ADGRL3: variants seen among roughly 807,000 people sequenced by gnomAD.
The protein encoded by ADGRL3 is calcium-independent alpha-latrotoxin receptor 3.
In ADGRL3, 62 loss-of-function variants were observed where a neutral mutation model predicts 153.5. The ratio of observed to expected loss-of-function variants is 0.40; its 90% CI spans 0.33 to 0.50. The LOEUF is 0.50. Among genes scored for constraint, ADGRL3 ranks in the 20% least tolerant of loss-of-function variants. The pLI is 0.47. For synonymous variants in ADGRL3, 710 were observed against 672.5 expected, an observed-to-expected ratio of 1.06 and a Z score of -0.86; for missense variants, 1,641 against 1,859.4, an observed-to-expected ratio of 0.88 and a Z score of 2.16.
chr4:61,622,560 G>A (rs1560950862), intron 5 of ADGRL3, among the ~76,000 whole-genome samples: 1 of 151,890 alleles, frequency 6.6e-6, no homozygotes, highest in Non-Finnish European at 1.5e-5. Context: ...AGAAGGAGGA[G>A]GAAGAAGAAG....
intron 25 of ADGRL3, among the ~76,000 whole-genome samples, chr4:62,050,572 A>T (rs1733553365): frequency 6.6e-6 from 1 of 152,066 alleles, no homozygotes; most frequent in African/African-American, 2.4e-5. Flanking sequence ...GCTTCTAAAC[A>T]TATTTTGCTT....
chr4:61,480,657 C>T (rs900357855), intron 2 of ADGRL3, among the ~76,000 whole-genome samples: 38 of 152,040 alleles, frequency 2.5e-4, no homozygotes, highest in African/African-American at 8.9e-4. Context: ...GTTTCGGGTG[C>T]CTATAAGCCC....
At chr4:61,317,463 AC>A (rs1327534663) in intron 1 of ADGRL3, among the ~76,000 whole-genome samples, 1 of 152,190 alleles carries the variant, frequency 6.6e-6, no homozygotes, top group African/African-American at 2.4e-5. Flanking sequence ...TTCATTATGT[AC>A]TGCCAAGATC....
At chr4:61,841,674 A>AT (rs890027197) in intron 9 of ADGRL3, among the ~76,000 whole-genome samples, 4 of 151,976 alleles carry the variant, frequency 2.6e-5, no homozygotes, top group South Asian at 2.1e-4. Flanking sequence ...TGTAGAATGA[A>AT]TTTTTTTTTG....
intron 1 of ADGRL3, among the ~76,000 whole-genome samples, chr4:61,331,624 T>A (rs1178921846): frequency 1.3e-5 from 2 of 152,162 alleles, no homozygotes; most frequent in Non-Finnish European, 2.9e-5. Flanking sequence ...CTTTCAAACT[T>A]GTTTGAGGTG....
chr4:62,025,235 A>G (rs1717796282), intron 21 of ADGRL3, among the ~76,000 whole-genome samples: 1 of 152,188 alleles, frequency 6.6e-6, no homozygotes, highest in Non-Finnish European at 1.5e-5. Flanking sequence ...TTTTAGATAT[A>G]CATTGTAATG....
intron 3 of ADGRL3, among the ~76,000 whole-genome samples, chr4:61,506,292 AC>A (rs2098427867): frequency 6.6e-6 from 1 of 152,198 alleles, no homozygotes; most frequent in East Asian, 1.9e-4. Context: ...AGGAATTAGA[AC>A]CAAAAAAAAC....
At chr4:61,818,291 C>T (rs1283776380) in intron 9 of ADGRL3, among the ~76,000 whole-genome samples, 2 of 152,252 alleles carry the variant, frequency 1.3e-5, no homozygotes, top group East Asian at 3.9e-4. Context: ...GTCATTAAAC[C>T]TTAAAGCTCC....
chr4:61,300,587 A>T (rs574209900), intron 1 of ADGRL3, among the ~76,000 whole-genome samples: 1 of 152,258 alleles, frequency 6.6e-6, no homozygotes, highest in East Asian at 1.9e-4. Context: ...TTATTATAAA[A>T]GTTGAGTACA....
chr4:61,286,662 T>C (rs1254552155), intron 1 of ADGRL3, among the ~76,000 whole-genome samples: 1 of 151,710 alleles, frequency 6.6e-6, no homozygotes, highest in African/African-American at 2.4e-5. Context: ...ATGATTTTTT[T>C]CCTTTTATAT....
chr4:61,602,765 G>A (rs1040101801), intron 5 of ADGRL3, among the ~76,000 whole-genome samples: 1 of 152,120 alleles, frequency 6.6e-6, no homozygotes, highest in Non-Finnish European at 1.5e-5. Context: ...GTATTATTAT[G>A]CAGAACAATC....
At chr4:61,373,024 G>T (rs536498338) in intron 1 of ADGRL3, among the ~76,000 whole-genome samples, 1 of 152,174 alleles carries the variant, frequency 6.6e-6, no homozygotes, top group Non-Finnish European at 1.5e-5. Context: ...TCTTTGATTA[G>T]GAAAGGGAAC....
intron 1 of ADGRL3, among the ~76,000 whole-genome samples, chr4:61,301,415 T>C (rs1188109727): frequency 6.6e-6 from 1 of 152,238 alleles, no homozygotes; most frequent in Non-Finnish European, 1.5e-5. Context: ...AAAAGCTTTT[T>C]CACAGGATCA....
intron 6 of ADGRL3, among the ~76,000 whole-genome samples, chr4:61,714,490 A>G (rs973235624): frequency 6.6e-6 from 1 of 152,128 alleles, no homozygotes; most frequent in Non-Finnish European, 1.5e-5. Flanking sequence ...ACGCAGGCCT[A>G]CCTCAGCTAC....
chr4:61,581,418 T>A (rs2149283583), intron 4 of ADGRL3, among the ~76,000 whole-genome samples: 1 of 152,142 alleles, frequency 6.6e-6, no homozygotes, highest in East Asian at 1.9e-4. Flanking sequence ...AGAGTAATTT[T>A]GAGAACAGGT....
intron 17 of ADGRL3, among the ~76,000 whole-genome samples, chr4:61,975,361 A>C (rs942653584): frequency 6.6e-6 from 1 of 152,136 alleles, no homozygotes; most frequent in Non-Finnish European, 1.5e-5. Context: ...AGTCCAAAGG[A>C]GCATCAGATG....
chr4:61,871,995 A>C (rs1210990527), intron 9 of ADGRL3, among the ~76,000 whole-genome samples: 3 of 152,192 alleles, frequency 2.0e-5, no homozygotes. Flanking sequence ...CAAATATTTG[A>C]CTTATTTTCA....
chr4:61,899,982 A>G (rs2098655086), intron 11 of ADGRL3, among the ~76,000 whole-genome samples: 3 of 152,204 alleles, frequency 2.0e-5, no homozygotes, highest in African/African-American at 7.2e-5. Flanking sequence ...TTTTGGAAGG[A>G]CACAAACATT....
chr4:61,855,728 T>C (rs1323704340), intron 9 of ADGRL3, among the ~76,000 whole-genome samples: 1 of 152,136 alleles, frequency 6.6e-6, no homozygotes, highest in Admixed American at 6.5e-5. Context: ...AAAAAAATAC[T>C]TGCCTAATAG....
Sources: allele counts gnomAD v4.1 joint callset (sites outside exome capture counted in the v4.1 genomes callset), GRCh38; gene constraint gnomAD v4.1.1; transcripts MANE v1.5; gene names NCBI Gene and HGNC (gene_info 2026-07-23, HGNC 2026-07-21).